Variants in BCAS2 observed in about 807,000 individuals in gnomAD.
The protein encoded by BCAS2 is pre-mRNA-splicing factor SPF27.
Under a neutral mutation model 35.3 loss-of-function variants are expected in BCAS2, and 34 were observed. That is an observed-to-expected ratio of 0.96 (90% CI 0.73 to 1.28). The LOEUF (loss-of-function observed/expected upper bound fraction) is 1.28. Ranked by LOEUF, BCAS2 falls within the 50% of genes most tolerant of loss-of-function variation. The pLI is 0.00. For missense variants in BCAS2, 221 were observed against 268.1 expected, an observed-to-expected ratio of 0.82 and a Z score of 1.23; for synonymous variants, 75 against 91.6, an observed-to-expected ratio of 0.82 and a Z score of 1.03.
chr1:114,573,882 T>G (rs1245414654), intron 4 of BCAS2, among the ~76,000 whole-genome samples: 2 of 152,222 alleles, frequency 1.3e-5, no homozygotes, highest in African/African-American at 2.4e-5. Context: ...TTCTGAAGAT[T>G]TGAGAAACAG....
At chr1:114,573,189 A>C (rs1447748932) in intron 4 of BCAS2, among the ~76,000 whole-genome samples, 1 of 145,942 alleles carries the variant, frequency 6.9e-6, no homozygotes, top group East Asian at 2.0e-4. Context: ...GAATTATTAA[A>C]GGTTTTCAGG....
rs899435371 is a variant in BCAS2, at chr1:114,581,586, C to A, written c.6G>T (p.Ala2=). The stretch of plus-strand genomic sequence containing the variant: ...CCTCTCCAGCCACCAAACCTGTGCC[C>A]GCCATTCTGAGGACCTCAGGTTTGC... M[A]GTGLVAGEVV... is the part of the protein sequence containing the mutation. The change falls in exon 1 of 7, where the codon GCG becomes GCT. Residue 2 remains alanine (A), a synonymous_variant. Transcript: ENST00000369541. 1 of 1,613,256 alleles carries A rather than the reference C, an allele frequency of 6.2e-7. No individual in the cohort carries two copies. The highest frequency in any genetic ancestry group is 8.5e-7 in the Non-Finnish European group (1 of 1,180,024).
intron 6 of BCAS2, among the ~76,000 whole-genome samples, chr1:114,569,053 C>T (rs777634867): frequency 4.6e-5 from 7 of 151,910 alleles, no homozygotes; most frequent in Non-Finnish European, 7.4e-5. Flanking sequence ...TGTGAGTCAC[C>T]ACACCTGGCT....
At chr1:114,570,585 G>C (rs1654619454) in intron 5 of BCAS2, 115 bp downstream of exon 5, 3 of 740,336 alleles carry the variant, frequency 4.1e-6, no homozygotes, top group Admixed American at 5.6e-5. Context: ...CAAAGAGAGT[G>C]GATCAATTGT....
chr1:114,577,893 G>C (rs1457275924), intron 2 of BCAS2, among the ~76,000 whole-genome samples: 1 of 152,214 alleles, frequency 6.6e-6, no homozygotes, highest in Non-Finnish European at 1.5e-5. Context: ...CTGCATGAAT[G>C]TTTAAAAGTT....
At chr1:114,578,425 T>C (rs984392534) in intron 2 of BCAS2, among the ~76,000 whole-genome samples, 1 of 151,886 alleles carries the variant, frequency 6.6e-6, no homozygotes, top group African/African-American at 2.4e-5. Flanking sequence ...AGTATAAAAA[T>C]GCAGTATAAG....
At chr1:114,579,225 G>A (rs1262620267) in intron 2 of BCAS2, among the ~76,000 whole-genome samples, 2 of 152,110 alleles carry the variant, frequency 1.3e-5, no homozygotes, top group South Asian at 2.1e-4. Context: ...GCAGTGAGCC[G>A]AGGAGTTGCA....
chr1:114,575,731 G>A lies in BCAS2; in HGVS notation c.278C>T (p.Ser93Phe), dbSNP rs1396427877. ...SMKRYELPAP[S>F]SGQKNDITAW... ...AGTAATGTCATTTTTTTGACCAGAG[G>A]AGGGGGCTGGAAGCTCATATCTGAA... Residue 93 changes from serine (S) to phenylalanine (F), a missense_variant, in exon 4 of 7, where the codon TCC becomes TTC. Physicochemically the swap from Ser to Phe is radical, Grantham distance 155. Transcript: ENST00000369541. The A allele has an allele frequency of 1.2e-6, 2 of 1,612,402 alleles. No homozygotes were observed. The highest frequency in any genetic ancestry group is 1.7e-6 in the Non-Finnish European group (2 of 1,179,638).
At chr1:114,572,478 G>A (rs1207676670) in intron 4 of BCAS2, among the ~76,000 whole-genome samples, 1 of 152,226 alleles carries the variant, frequency 6.6e-6, no homozygotes, top group Non-Finnish European at 1.5e-5. Context: ...CTCTGGAGAA[G>A]TGTCCACTGA....
intron 2 of BCAS2, 149 bp from the exon 3 acceptor site, chr1:114,576,907 A>G: frequency 1.7e-6 from 1 of 603,974 alleles, no homozygotes. Flanking sequence ...GCTCTCTAGA[A>G]TCTGAAGCAC....
chr1:114,568,258 T>G lies in BCAS2; in HGVS notation c.552-2A>C. On this transcript the variant is annotated splice_acceptor_variant, in intron 6 of 6. Transcript: ENST00000369541. LOFTEE classifies it high-confidence loss of function. The stretch of plus-strand genomic sequence containing the variant: ...TTCTTACTGACCAGGGATACCCAAC[T>G]AGAATGGGGGGGAAGAAAAGAAAAA... 1 of 1,610,824 alleles carries G rather than the reference T, an allele frequency of 6.2e-7. No homozygotes were observed. The highest frequency in any genetic ancestry group is 1.3e-5 in the African/African-American group (1 of 74,806).
At chr1:114,572,358 C>T (rs530337633) in intron 4 of BCAS2, among the ~76,000 whole-genome samples, 14 of 152,304 alleles carry the variant, frequency 9.2e-5, no homozygotes, top group East Asian at 7.7e-4. Context: ...GACTTCTGAC[C>T]ACTAACAGGG....
chr1:114,575,979 C>T (rs1163142121), intron 3 of BCAS2, among the ~76,000 whole-genome samples: 2 of 152,070 alleles, frequency 1.3e-5, no homozygotes, highest in Non-Finnish European at 2.9e-5. Flanking sequence ...AGCAACATTA[C>T]ATTCACATAA....
At chr1:114,568,364 T>G in intron 6 of BCAS2, 108 bp from the exon 7 acceptor site, 1 of 1,139,058 alleles carries the variant, frequency 8.8e-7, no homozygotes. Context: ...AACACTAACC[T>G]TCACTTTTTT....
chr1:114,569,249 G>C (rs937406559), intron 6 of BCAS2, among the ~76,000 whole-genome samples: 2 of 151,954 alleles, frequency 1.3e-5, no homozygotes, highest in Non-Finnish European at 2.9e-5. Flanking sequence ...AGGAAAAAGC[G>C]TGAAAGGGTA....
intron 5 of BCAS2, 81 bp from the exon 6 acceptor site, chr1:114,570,153 T>C: frequency 1.1e-6 from 1 of 938,584 alleles, no homozygotes; most frequent in Non-Finnish European, 1.7e-6. Context: ...CACAAGAGAA[T>C]ATCTTAATCC....
At chr1:114,572,973 C>T (rs907757706) in intron 4 of BCAS2, among the ~76,000 whole-genome samples, 12 of 151,644 alleles carry the variant, frequency 7.9e-5, no homozygotes, top group Non-Finnish European at 1.2e-4. Flanking sequence ...ATTAGCCAGG[C>T]GTGGTGGTGT....
At position 114,575,592 on chromosome 1, in the gene BCAS2, A is replaced by G. The variant is rs199771554; in HGVS notation, c.417T>C (p.Asn139=). ...AAGATGAAGAAAAAGGTTCTTACTC[A>G]TTGTATACTTTCCAGGCATTACATC... ...QHGCNAWKVY[N]ENLVHMIEHA... is the part of the protein sequence containing the mutation. The change falls in exon 4 of 7, where the codon AAT becomes AAC. Residue 139 remains asparagine (N), a splice_region_variant and synonymous_variant. Transcript: ENST00000369541. 2 of 1,593,010 alleles carry G rather than the reference A, an allele frequency of 1.3e-6. No individual in the cohort carries two copies. Among genetic ancestry groups the G allele is most frequent in the East Asian group, 4.5e-5 (2 of 44,712 alleles).
rs547075855 is a variant in BCAS2 at position 114,581,491 on chromosome 1, G to A, written c.93+8C>T. The A allele has an allele frequency of 4.3e-6, 7 of 1,613,922 alleles. No individual in the cohort carries two copies. The highest frequency in any genetic ancestry group is 2.2e-5 in the South Asian group (2 of 91,094). On this transcript the variant is annotated splice_region_variant and intron_variant, in intron 1 of 6. Transcript: ENST00000369541. ...AGTGAGTCAGCTACAAAGACACCCCGCACTCACCGCTTCCCGCACACCAGG... is the reference window on the plus strand; with the variant it reads ...AGTGAGTCAGCTACAAAGACACCCCACACTCACCGCTTCCCGCACACCAGG...
Sources: gnomAD v4.1 joint callset for allele counts (sites outside exome capture counted in the v4.1 genomes callset) on GRCh38, gnomAD v4.1.1 for gene constraint, MANE v1.5 for transcripts, NCBI Gene and HGNC (gene_info 2026-07-23, HGNC 2026-07-21) for gene names.